Variants in CRPPA observed in about 807,000 individuals in gnomAD.
CRPPA encodes CDP-L-ribitol pyrophosphorylase A.
CRPPA carries 43 observed loss-of-function variants against 52.0 expected under a neutral mutation model. The ratio of observed to expected loss-of-function variants is 0.83; its 90% CI spans 0.65 to 1.07. The LOEUF (loss-of-function observed/expected upper bound fraction) is 1.07. CRPPA is among the 50% of genes least tolerant of loss of function. The probability of loss-of-function intolerance (pLI) is 0.00; values close to 1 mark genes in which losing one functional copy is unlikely to be tolerated. For synonymous variants in CRPPA, 250 were observed against 203.5 expected (o/e 1.23, Z -1.94); for missense variants, 629 against 551.7 (o/e 1.14, Z -1.40).
At chr7:16,319,718 C>T (rs1020654563) in intron 3 of CRPPA, among the ~76,000 whole-genome samples, 1 of 152,134 alleles carries the variant, frequency 6.6e-6, no homozygotes, top group Non-Finnish European at 1.5e-5. Context: ...CTTTCCTATT[C>T]GGCAGTCAGT....
At chr7:16,093,751 A>C (rs1392745151) in intron 9 of CRPPA, among the ~76,000 whole-genome samples, 2 of 152,236 alleles carry the variant, frequency 1.3e-5, no homozygotes, top group Admixed American at 6.5e-5. Flanking sequence ...ATTCATAAAC[A>C]TATAAATAAA....
intron 2 of CRPPA, among the ~76,000 whole-genome samples, chr7:16,387,044 GATATATATAT>G (rs57024916): frequency 0.097 from 9,284 of 95,762 alleles, 485 homozygotes; most frequent in Middle Eastern, 0.13. Context: ...ATAAAAAAAA[GATATATATAT>G]ATATATATAT....
intron 6 of CRPPA, among the ~76,000 whole-genome samples, chr7:16,262,686 T>C (rs550575358): frequency 2.6e-5 from 4 of 152,296 alleles, no homozygotes; most frequent in African/African-American, 7.2e-5. Context: ...AAAATTGAGA[T>C]ATTTTCTACT....
chr7:16,370,778 C>T (rs1583554770), intron 3 of CRPPA, among the ~76,000 whole-genome samples: 1 of 152,092 alleles, frequency 6.6e-6, no homozygotes. Context: ...CCTCTGCCCT[C>T]CCCCACCTGC....
chr7:16,155,961 G>C (rs1783171088), intron 9 of CRPPA, among the ~76,000 whole-genome samples: 1 of 152,028 alleles, frequency 6.6e-6, no homozygotes, highest in Admixed American at 6.6e-5. Flanking sequence ...GGGATATAAG[G>C]GGAAGTCAAC....
In CRPPA at chr7:16,278,002, T is replaced by C. The variant is rs1295127; in HGVS notation, c.933+127A>G. 39,899 of 648,936 alleles carry C rather than the reference T, an allele frequency of 0.061. 2,444 individuals carry two copies. The highest frequency in any genetic ancestry group is 0.24 in the African/African-American group (12,833 of 54,146). 40.2% of individuals were successfully genotyped at this position (648,936 alleles called of 1,614,324 possible). A position where few individuals can be genotyped will look rare whatever the true frequency, so the allele number is the denominator to read the frequency against. On this transcript the variant is annotated intron_variant, in intron 6 of 9. Transcript: ENST00000407010. ...AGTGCTGGCAGACCAAAGGATCTCA[T>C]TGAGGCAAAATAATAAGAACATTAT...
intron 9 of CRPPA, among the ~76,000 whole-genome samples, chr7:16,170,612 G>T (rs1308994602): frequency 6.6e-6 from 1 of 152,240 alleles, no homozygotes; most frequent in African/African-American, 2.4e-5. Flanking sequence ...GGTTGCCATT[G>T]CTGGCTAGGG....
intron 3 of CRPPA, among the ~76,000 whole-genome samples, chr7:16,326,624 G>A (rs192975805): frequency 6.6e-6 from 1 of 152,148 alleles, no homozygotes; most frequent in East Asian, 1.9e-4. Context: ...AAAATTCTGT[G>A]TATATTATGT....
chr7:16,288,366 T>G (rs1784491677), intron 5 of CRPPA, among the ~76,000 whole-genome samples: 1 of 152,004 alleles, frequency 6.6e-6, no homozygotes, highest in Non-Finnish European at 1.5e-5. Context: ...AAATATTTAT[T>G]TTAAATCTAT....
chr7:16,126,907 TC>T (rs1782591798), intron 9 of CRPPA, among the ~76,000 whole-genome samples: 1 of 152,106 alleles, frequency 6.6e-6, no homozygotes, highest in South Asian at 2.1e-4. Context: ...AATGATTGAT[TC>T]CCAAATTTGT....
At chr7:16,097,782 G>A (rs1781964660) in intron 9 of CRPPA, among the ~76,000 whole-genome samples, 1 of 152,086 alleles carries the variant, frequency 6.6e-6, no homozygotes, top group Non-Finnish European at 1.5e-5. Flanking sequence ...AATGACAGTG[G>A]CACCTCTATA....
chr7:16,420,775 A>T (rs1365494674), intron 1 of CRPPA, among the ~76,000 whole-genome samples: 1 of 152,152 alleles, frequency 6.6e-6, no homozygotes, highest in East Asian at 1.9e-4. Flanking sequence ...CAAATCGCCT[A>T]GTCCCAACCC....
intron 9 of CRPPA, among the ~76,000 whole-genome samples, chr7:16,198,788 C>T (rs567756833): frequency 2.6e-5 from 4 of 151,382 alleles, no homozygotes; most frequent in African/African-American, 7.3e-5. Context: ...CCTGGGCTCA[C>T]GCAATCCTTC....
chr7:16,149,911 G>A (rs1418852179), intron 9 of CRPPA, among the ~76,000 whole-genome samples: 6 of 151,568 alleles, frequency 4.0e-5, no homozygotes, highest in African/African-American at 1.5e-4. Context: ...GATTGAACTC[G>A]GGAGGCGGAA....
chr7:16,391,538 G>A (rs776241968), intron 2 of CRPPA, among the ~76,000 whole-genome samples: 4 of 152,128 alleles, frequency 2.6e-5, no homozygotes, highest in Non-Finnish European at 5.9e-5. Flanking sequence ...TCTTCCAAGA[G>A]CTTTCCATCT....
intron 5 of CRPPA, among the ~76,000 whole-genome samples, chr7:16,295,120 A>G (rs1435187349): frequency 1.3e-5 from 2 of 152,108 alleles, no homozygotes; most frequent in Admixed American, 6.6e-5. Context: ...GCTACTTTCA[A>G]TGTATAAATA....
intron 9 of CRPPA, among the ~76,000 whole-genome samples, chr7:16,205,920 A>C (rs1781963393): frequency 6.6e-6 from 1 of 152,200 alleles, no homozygotes; most frequent in African/African-American, 2.4e-5. Context: ...GGCACAATTA[A>C]ATGTAAATCT....
intron 3 of CRPPA, among the ~76,000 whole-genome samples, chr7:16,335,932 C>T (rs985041297): frequency 1.3e-4 from 20 of 152,142 alleles, no homozygotes; most frequent in African/African-American, 4.3e-4. Context: ...TTAACAGAAA[C>T]CCCTCAGGCC....
At chr7:16,250,003 C>G (rs1783400116) in intron 8 of CRPPA, among the ~76,000 whole-genome samples, 1 of 152,132 alleles carries the variant, frequency 6.6e-6, no homozygotes, top group Admixed American at 6.5e-5. Context: ...AGACAAATAG[C>G]TAACTAGAAT....
Sources: gnomAD v4.1 joint callset for allele counts (sites outside exome capture counted in the v4.1 genomes callset) on GRCh38, gnomAD v4.1.1 for gene constraint, MANE v1.5 for transcripts, NCBI Gene and HGNC (gene_info 2026-07-23, HGNC 2026-07-21) for gene names.